FGD5: variants seen among roughly 807,000 people sequenced by gnomAD.
FGD5 encodes the protein FYVE, RhoGEF and PH domain containing 5.
FGD5 carries 28 observed loss-of-function variants against 133.4 expected under a neutral mutation model. The ratio of observed to expected loss-of-function variants is 0.21; its 90% CI spans 0.16 to 0.29. The LOEUF (loss-of-function observed/expected upper bound fraction) is 0.29. FGD5 is among the 10% of genes least tolerant of loss of function. The pLI is 1.00. For synonymous variants in FGD5, 810 were observed against 776.5 expected, an observed-to-expected ratio of 1.04 and a Z score of -0.72; for missense variants, 1,858 against 1,895.2, an observed-to-expected ratio of 0.98 and a Z score of 0.36.
rs200619206 is a variant in FGD5, at chr3:14,918,807, C to T, written c.3543C>T (p.Ser1181=). The change falls in exon 13 of 20, where the codon TCC becomes TCT. Residue 1181 remains serine (S), a synonymous_variant. Coordinates refer to ENST00000285046, the MANE Select transcript of FGD5 (RefSeq NM_152536.4). Reference sequence around the variant, plus strand: ...CCTACGCTCTAAAGATTGAGACTTCCGAGTCCTGCCTGATGCTGTCTGCGA... The same window carrying T: ...CCTACGCTCTAAAGATTGAGACTTCTGAGTCCTGCCTGATGCTGTCTGCGA... ...KVPYALKIET[S]ESCLMLSASS... 2.3e-5 allele frequency: 37 copies of T among 1,613,938 alleles called. No homozygotes were observed. Among genetic ancestry groups the T allele is most frequent in the East Asian group, 6.7e-5 (3 of 44,886 alleles).
chr3:14,912,469 G>A (rs1341540144), intron 11 of FGD5, among the ~76,000 whole-genome samples: 3 of 152,216 alleles, frequency 2.0e-5, no homozygotes, highest in African/African-American at 4.8e-5. Flanking sequence ...CAAGCAGTGC[G>A]TGGTTTAGAT....
chr3:14,900,298 A>C, intron 7 of FGD5, 105 bp from the exon 8 acceptor site: 1 of 1,117,110 alleles, frequency 9.0e-7, no homozygotes. Context: ...GAGAGGGTGG[A>C]TGCTTCATTC....
chr3:14,843,703 TG>T lies in FGD5; in HGVS notation c.2526-20419del, dbSNP rs869097450. Among the ~76,000 whole-genome samples, 1,000 of 124,002 alleles carry T rather than the reference TG, an allele frequency of 8.1e-3. 76 individuals carry two copies. The East Asian group carries it at 0.11, about 14-fold the overall frequency. 81.4% of individuals were successfully genotyped at this position (124,002 alleles called of 152,430 possible). ...CCAGGGTGCTTTTTTTTTTTTTTTT[TG>T]GGGGGAGACAGAGTCTCATTCTGTC... On this transcript the variant is annotated intron_variant, in intron 1 of 19. Transcript: ENST00000285046.
At chr3:14,839,965 C>G (rs2036887582) in intron 1 of FGD5, among the ~76,000 whole-genome samples, 1 of 142,714 alleles carries the variant, frequency 7.0e-6, no homozygotes, top group South Asian at 2.2e-4. Flanking sequence ...AACAAACAAA[C>G]AGTGTTTTAC....
In FGD5 at chr3:14,820,397, T is replaced by C; in HGVS notation, c.1326T>C (p.Pro442=). The C allele has an allele frequency of 1.2e-6, 2 of 1,613,892 alleles. No homozygotes were observed. The highest frequency in any genetic ancestry group is 2.2e-5 in the South Asian group (2 of 91,084). The stretch of plus-strand genomic sequence containing the variant: ...TGGGCCTGCCCGGTCAGGCGGCCCC[T>C]GGAGAAGGAGGGCAGGCTGCATCGG... ...MGVGLPGQAA[P]GEGGQAASDA... The change falls in exon 1 of 20, where the codon CCT becomes CCC. Residue 442 remains proline, a synonymous_variant. Transcript: ENST00000285046.
Position 14,900,415 on chromosome 3 carries a change from A to G in FGD5, c.3167A>G (p.Asn1056Ser). 2 of 1,613,448 alleles carry G rather than the reference A, an allele frequency of 1.2e-6. No individual in the cohort carries two copies. The highest frequency in any genetic ancestry group is 1.7e-6 in the Non-Finnish European group (2 of 1,179,680). The change falls in exon 8 of 20, where the codon AAC (asparagine) becomes AGC (serine). Residue 1056 changes from asparagine (N) to serine (S), a missense_variant. By Grantham distance (46) the Asn-to-Ser change is conservative (BLOSUM62 1). Around this residue, in one of 3 missense-constraint regions of FGD5, gnomAD observed 1,824 missense variants for 1,848.9 expected, o/e 0.99. Transcript: ENST00000285046. ...ATCCTGCCAACAGACTATTTAAACA[A>G]CCTTTGTCCGGACTCCGCCGAGTAC... ...YQVLLTDYLN[N>S]LCPDSAEYDN... is the part of the protein sequence containing the mutation.
rs2036437819 is a variant in FGD5 at position 14,819,498 on chromosome 3, C to T, written c.427C>T (p.Leu143Phe). 4.5e-6 allele frequency: 7 copies of T among 1,551,376 alleles called. No individual in the cohort carries two copies. The South Asian group carries it at 4.8e-5, about 11-fold the overall frequency. Residue 143 changes from leucine to phenylalanine, a missense_variant, in exon 1 of 20, where the codon CTT becomes TTT. Leu to Phe is a conservative substitution (Grantham distance 22). This residue lies in a region of FGD5 where 1,824 missense variants were observed against 1,848.9 expected (regional missense o/e 0.99). Coordinates refer to ENST00000285046, the MANE Select transcript of FGD5 (RefSeq NM_152536.4). This position sits in a 1 kb window ranked among gnomAD's most constrained non-coding sequence, Gnocchi z 4.1. ...GGGTGAGGAAGGCACAGACCTTGCT[C>T]TTGAGGATGAAGGGGAGGGCTGCGC... is the stretch of plus-strand genomic sequence containing the variant. ...REGEEGTDLA[L>F]EDEGEGCADE...
At chr3:14,831,062 G>A (rs1044231143) in intron 1 of FGD5, among the ~76,000 whole-genome samples, 1 of 152,188 alleles carries the variant, frequency 6.6e-6, no homozygotes, top group Non-Finnish European at 1.5e-5. Flanking sequence ...TGAGTGAAAC[G>A]TGAAGGATGA....
intron 1 of FGD5, among the ~76,000 whole-genome samples, chr3:14,840,422 A>G (rs1393650188): frequency 2.6e-5 from 4 of 152,038 alleles, no homozygotes; most frequent in Non-Finnish European, 4.4e-5. Context: ...TGGGATTACA[A>G]GCATGAGCCA....
chr3:14,919,226 G>A (rs1027521787), intron 13 of FGD5, among the ~76,000 whole-genome samples: 1 of 152,090 alleles, frequency 6.6e-6, no homozygotes, highest in African/African-American at 2.4e-5. Flanking sequence ...GCCTTTTTGC[G>A]TTCCTGTCTA....
intron 9 of FGD5, among the ~76,000 whole-genome samples, chr3:14,901,836 G>A (rs910664139): frequency 3.3e-5 from 5 of 152,252 alleles, no homozygotes; most frequent in African/African-American, 1.2e-4. Context: ...ACCTTGTGCT[G>A]TGTTGGGGAG....
chr3:14,915,456 G>C (rs1253858572), intron 11 of FGD5, among the ~76,000 whole-genome samples: 1 of 152,218 alleles, frequency 6.6e-6, no homozygotes, highest in Non-Finnish European at 1.5e-5. Flanking sequence ...CATGTGTAGA[G>C]GACTTGCCTT....
At chr3:14,871,360 C>A (rs894459736) in intron 2 of FGD5, among the ~76,000 whole-genome samples, 1 of 152,180 alleles carries the variant, frequency 6.6e-6, no homozygotes, top group Non-Finnish European at 1.5e-5. Flanking sequence ...AGGCCCAGTT[C>A]CTGCATTTAC....
At chr3:14,851,461 G>T (rs1237821161) in intron 1 of FGD5, among the ~76,000 whole-genome samples, 1 of 152,168 alleles carries the variant, frequency 6.6e-6, no homozygotes, top group Non-Finnish European at 1.5e-5. Flanking sequence ...TCCCAGAGAT[G>T]ACCAAAATGT....
chr3:14,915,121 C>T (rs2038527277), intron 11 of FGD5, among the ~76,000 whole-genome samples: 1 of 152,224 alleles, frequency 6.6e-6, no homozygotes, highest in Non-Finnish European at 1.5e-5. Flanking sequence ...CATACCTGGC[C>T]CCTACAGGAC....
chr3:14,916,200 T>A (rs2038550670), intron 11 of FGD5, among the ~76,000 whole-genome samples: 1 of 152,200 alleles, frequency 6.6e-6, no homozygotes, highest in African/African-American at 2.4e-5. Flanking sequence ...AAAGTAATGG[T>A]GGTGGTGTCT....
At chr3:14,810,746 G>T, upstream of FGD5, 2 of 944,542 alleles carry the variant, frequency 2.1e-6, no homozygotes, top group Non-Finnish European at 2.5e-6. Context: ...GCGCCAGGGG[G>T]TGCGGGCCCC....
intron 1 of FGD5, among the ~76,000 whole-genome samples, chr3:14,862,986 C>T (rs763157977): frequency 1.3e-5 from 2 of 152,164 alleles, no homozygotes; most frequent in Non-Finnish European, 2.9e-5. Flanking sequence ...AGGATAGGCT[C>T]CTAGCTCAGC....
chr3:14,905,869 A>G (rs1193639887), intron 9 of FGD5, among the ~76,000 whole-genome samples: 1 of 152,114 alleles, frequency 6.6e-6, no homozygotes, highest in Non-Finnish European at 1.5e-5. Context: ...GCCAGGCATT[A>G]TGTGTAGAAG....
Sources: allele counts gnomAD v4.1 joint callset (sites outside exome capture counted in the v4.1 genomes callset), GRCh38; gene constraint gnomAD v4.1.1; regional missense constraint gnomAD v4.1.1; non-coding constraint Gnocchi (gnomAD v3.1); transcripts MANE v1.5; gene names NCBI Gene and HGNC (gene_info 2026-07-23, HGNC 2026-07-21).